PLPP1: variants seen among roughly 807,000 people sequenced by gnomAD.
PLPP1 encodes lipid phosphate phosphohydrolase 1a.
In PLPP1, 24 loss-of-function variants were observed where a neutral mutation model predicts 31.2. The ratio of observed to expected loss-of-function variants is 0.77; its 90% CI spans 0.56 to 1.08. PLPP1 has a LOEUF of 1.08. Ranked by LOEUF, PLPP1 falls within the 50% of genes least tolerant of loss-of-function variation. The pLI is 0.00. For missense variants in PLPP1, 319 were observed against 342.7 expected (o/e 0.93, Z 0.55); for synonymous variants, 146 against 126.3 (o/e 1.16, Z -1.05).
intron 3 of PLPP1, among the ~76,000 whole-genome samples, chr5:55,460,764 T>C (rs1752136859): frequency 6.6e-6 from 1 of 152,178 alleles, no homozygotes; most frequent in Non-Finnish European, 1.5e-5. Context: ...AAGGATCACT[T>C]GAGCTCAGGA....
At chr5:55,464,479 A>C (rs1033064639) in intron 3 of PLPP1, among the ~76,000 whole-genome samples, 1 of 152,050 alleles carries the variant, frequency 6.6e-6, no homozygotes, top group African/African-American at 2.4e-5. Flanking sequence ...CAAGTGATCC[A>C]CCCAGCCTTG....
At chr5:55,467,423 T>G (rs1015290425) in intron 3 of PLPP1, among the ~76,000 whole-genome samples, 2 of 152,028 alleles carry the variant, frequency 1.3e-5, no homozygotes, top group African/African-American at 4.8e-5. Context: ...TGGTGGCTCA[T>G]GCCTGTTACC....
Position 55,424,917 on chromosome 5 carries a change from T to C in PLPP1, c.*289A>G. The C allele has an allele frequency of 1.5e-6, 1 of 654,996 alleles. No homozygotes were observed. Among genetic ancestry groups the C allele is most frequent in the East Asian group, 2.7e-5 (1 of 36,412 alleles). 40.6% of individuals were successfully genotyped at this position (654,996 alleles called of 1,614,324 possible). A position where few individuals can be genotyped will look rare whatever the true frequency, so the allele number is the denominator to read the frequency against. ...AATCAAACATCATTCATAGAAAGCA[T>C]ATTACATACATGTTTATACATAAGC... On this transcript the variant is annotated 3_prime_UTR_variant, in exon 6 of 6. Transcript: ENST00000307259.
At chr5:55,429,696 C>CA (rs1751298384) in intron 4 of PLPP1, among the ~76,000 whole-genome samples, 1 of 152,118 alleles carries the variant, frequency 6.6e-6, no homozygotes, top group African/African-American at 2.4e-5. Flanking sequence ...ACAGCCCCTG[C>CA]ATATCCACAT....
intron 1 of PLPP1, among the ~76,000 whole-genome samples, chr5:55,518,107 A>G (rs925485827): frequency 5.9e-5 from 9 of 152,164 alleles, no homozygotes; most frequent in African/African-American, 2.2e-4. Context: ...TGCTGGGATT[A>G]CAGTCATGGG....
At chr5:55,439,892 T>C (rs1188293735) in intron 4 of PLPP1, among the ~76,000 whole-genome samples, 38 of 152,200 alleles carry the variant, frequency 2.5e-4, no homozygotes, top group Non-Finnish European at 1.9e-4. Flanking sequence ...GCCATTTTAC[T>C]TCCAGAGATC....
At chr5:55,446,503 T>C (rs1197780046) in intron 3 of PLPP1, among the ~76,000 whole-genome samples, 1 of 152,200 alleles carries the variant, frequency 6.6e-6, no homozygotes, top group East Asian at 1.9e-4. Flanking sequence ...ATATCTGTAA[T>C]CTCTTTGAGA....
rs185288574 is a variant in PLPP1 at position 55,444,811 on chromosome 5, C to T, written c.492-2903G>A. The stretch of plus-strand genomic sequence containing the variant: ...TGTTACCCAGGCTGGAGTGCAGTGG[C>T]GTGATTTGGCTCACTGCCACCTCTG... On this transcript the variant is annotated intron_variant, in intron 3 of 5. Transcript: ENST00000307259. Among the ~76,000 whole-genome samples, 14 of 147,082 alleles carry T rather than the reference C, an allele frequency of 9.5e-5. No homozygotes were observed. The East Asian group carries it at 1.6e-3, about 17-fold the overall frequency.
intron 1 of PLPP1, among the ~76,000 whole-genome samples, chr5:55,491,674 A>G (rs1382883012): frequency 6.6e-6 from 1 of 152,012 alleles, no homozygotes; most frequent in Admixed American, 6.6e-5. Context: ...CCTGGCCAAT[A>G]TGATGAAACC....
At chr5:55,508,763 TGAAGAGTCATGGGGCAGGG>T (rs1310444339) in intron 1 of PLPP1, 1 of 154,166 alleles carries the variant, frequency 6.5e-6, no homozygotes, top group African/African-American at 2.4e-5. Flanking sequence ...ACTAAGACAA[TGAAGAGTCATGGGGCAGGG>T]GAAGTGAAGA....
chr5:55,525,757 G>A (rs1313062018), intron 1 of PLPP1, among the ~76,000 whole-genome samples: 1 of 152,184 alleles, frequency 6.6e-6, no homozygotes, highest in Non-Finnish European at 1.5e-5. Context: ...GTACAGTGGG[G>A]AGGAAGGAAT....
chr5:55,481,016 T>A (rs1392690775), intron 1 of PLPP1, among the ~76,000 whole-genome samples: 1 of 152,216 alleles, frequency 6.6e-6, no homozygotes, highest in Admixed American at 6.5e-5. Flanking sequence ...TGAATATTTA[T>A]AATGGTTCAA....
chr5:55,467,537 A>C (rs1466290580), intron 3 of PLPP1, among the ~76,000 whole-genome samples: 1 of 40,026 alleles, frequency 2.5e-5, no homozygotes, highest in East Asian at 3.9e-4. Flanking sequence ...TAATAATATA[A>C]AAATGTAAAA....
chr5:55,469,225 C>T (rs190755455), intron 2 of PLPP1, among the ~76,000 whole-genome samples: 1 of 152,156 alleles, frequency 6.6e-6, no homozygotes, highest in Non-Finnish European at 1.5e-5. Flanking sequence ...CCGTGGCTCA[C>T]TCCTGTAATC....
At chr5:55,464,501 T>C (rs1752242197) in intron 3 of PLPP1, among the ~76,000 whole-genome samples, 1 of 152,140 alleles carries the variant, frequency 6.6e-6, no homozygotes, top group African/African-American at 2.4e-5. Flanking sequence ...CCTCCCAAAG[T>C]TCGGACATTA....
chr5:55,429,641 T>C (rs1239911431), intron 4 of PLPP1, among the ~76,000 whole-genome samples: 2 of 152,024 alleles, frequency 1.3e-5, no homozygotes, highest in Non-Finnish European at 2.9e-5. Flanking sequence ...GGGCACCATT[T>C]TGAGAGCCCC....
intron 1 of PLPP1, among the ~76,000 whole-genome samples, chr5:55,497,901 T>C (rs1481818079): frequency 6.6e-6 from 1 of 151,952 alleles, no homozygotes; most frequent in African/African-American, 2.4e-5. Flanking sequence ...ACAGCAACTC[T>C]ACTCTCCTCC....
intron 1 of PLPP1, among the ~76,000 whole-genome samples, chr5:55,500,972 A>C (rs550051540): frequency 6.6e-6 from 1 of 152,212 alleles, no homozygotes; most frequent in East Asian, 1.9e-4. Context: ...ACCTATATTA[A>C]GAAGATTGAA....
chr5:55,426,043 AAAG>A lies in PLPP1; in HGVS notation c.550-7_550-5del, dbSNP rs769811117. ...TCATCCTGGCTTGAAGATAAAGCTA[AAAG>A]AAAAGAATAAAGAAAAAAATAGTTT... On this transcript the variant is annotated splice_polypyrimidine_tract_variant and splice_region_variant and intron_variant, in intron 4 of 5. Transcript: ENST00000307259. 28 of 1,575,346 alleles carry A rather than the reference AAAG, an allele frequency of 1.8e-5. No homozygotes were observed. The African/African-American group carries it at 3.3e-4, about 19-fold the overall frequency.
Sources: gnomAD v4.1 joint callset for allele counts (sites outside exome capture counted in the v4.1 genomes callset) on GRCh38, gnomAD v4.1.1 for gene constraint, MANE v1.5 for transcripts, NCBI Gene and HGNC (gene_info 2026-07-23, HGNC 2026-07-21) for gene names.